The following AFP variants were observed in gnomAD, a reference collection of about 807,000 sequenced individuals.
The protein encoded by AFP is alpha-fetoprotein.
A neutral mutation model predicts 78.9 loss-of-function variants in AFP; 64 were observed. That is an observed-to-expected ratio of 0.81 (90% confidence interval 0.66 to 1.00). The LOEUF (loss-of-function observed/expected upper bound fraction) is 1.00. Among genes scored for constraint, AFP ranks in the 50% least tolerant of loss-of-function variants. The pLI, the probability that AFP is intolerant of heterozygous loss-of-function variation, is 0.00. For synonymous variants in AFP, 254 were observed against 243.8 expected (o/e 1.04, Z -0.39); for missense variants, 689 against 703.8 (o/e 0.98, Z 0.24).
intron 7 of AFP, among the ~76,000 whole-genome samples, chr4:73,446,612 CGG>C: frequency 2.1e-5 from 3 of 144,478 alleles, no homozygotes; most frequent in Non-Finnish European, 3.0e-5. Flanking sequence ...ATCATTCTTA[CGG>C]AATTTCTCGT....
In AFP at chr4:73,450,046, T is replaced by C; in HGVS notation, c.1202T>C (p.Leu401Ser). Residue 401 changes from leucine (L) to serine (S), a missense_variant, in exon 10 of 15, where the codon TTA becomes TCA. Leu to Ser is a moderately radical substitution (Grantham distance 145, BLOSUM62 -2). Transcript: ENST00000395792. ...LECQDKGEEELQKYIQESQAL... is the reference protein window; with the variant it reads ...LECQDKGEEESQKYIQESQAL... ...ATTCTTCATTTTCAGGAAGAAGAATTACAGAAATACATCCAGGAGAGCCAA... is the reference window on the plus strand; with the variant it reads ...ATTCTTCATTTTCAGGAAGAAGAATCACAGAAATACATCCAGGAGAGCCAA... The C allele has an allele frequency of 6.2e-7, 1 of 1,612,668 alleles. No individual in the cohort carries two copies. Among genetic ancestry groups the C allele is most frequent in the Non-Finnish European group, 8.5e-7 (1 of 1,178,894 alleles).
In AFP at chr4:73,436,230, C is replaced by T. The variant is rs1443570272; in HGVS notation, c.-33C>T. The T allele has an allele frequency of 2.8e-6, 4 of 1,408,896 alleles. No individual in the cohort carries two copies. The highest frequency in any genetic ancestry group is 1.7e-5 in the Admixed American group (1 of 58,956). 87.3% of individuals were successfully genotyped at this position (1,408,896 alleles called of 1,614,324 possible). A position where few individuals can be genotyped will look rare whatever the true frequency, so the allele number is the denominator to read the frequency against. ...CAGCATGATTTTCCATATTGTGCTT[C>T]CACCACTGCCAATAACAAAATAACT... is the stretch of plus-strand genomic sequence containing the variant. On this transcript the variant is annotated 5_prime_UTR_variant, in exon 1 of 15. Coordinates refer to ENST00000395792, the MANE Select transcript of AFP (RefSeq NM_001134.3).
rs538249368 is a variant in AFP, at chr4:73,438,034, T to G, written c.138-140T>G. ...TCTCAGATGACCTGGAAGCTAATTT[T>G]ACATAATTTTACAAATCAAATGTCT... On this transcript the variant is annotated intron_variant, in intron 2 of 14. Coordinates refer to ENST00000395792, the MANE Select transcript of AFP (RefSeq NM_001134.3). 3.4e-4 allele frequency: 428 copies of G among 1,242,292 alleles called. 2 individuals carry two copies. In the Middle Eastern group the frequency reaches 0.013, roughly 39 times the overall value. The allele number at this position is 1,242,292 out of a possible 1,614,324, so 77.0% of individuals were successfully genotyped here.
chr4:73,455,462 G>C (rs531956356), intron 14 of AFP, 169 bp from the exon 15 acceptor site: 1 of 655,432 alleles, frequency 1.5e-6, no homozygotes, highest in South Asian at 1.8e-5. Context: ...TGTTAAATTA[G>C]TGGCTCAACT....
intron 3 of AFP, 81 bp downstream of exon 3, chr4:73,438,387 GA>G: frequency 6.8e-7 from 1 of 1,473,536 alleles, no homozygotes; most frequent in Non-Finnish European, 9.2e-7. Context: ...AAATAGCAGT[GA>G]AAAATGCATT....
At chr4:73,442,087 TC>T (rs969991765) in intron 4 of AFP, among the ~76,000 whole-genome samples, 10 of 152,132 alleles carry the variant, frequency 6.6e-5, no homozygotes, top group African/African-American at 2.4e-4. Flanking sequence ...CAGATATTTT[TC>T]CCCCCAGGAT....
chr4:73,455,621 C>T lies in AFP; in HGVS notation c.*11-10C>T, dbSNP rs1393397042. The T allele has an allele frequency of 1.2e-5, 8 of 688,026 alleles. No homozygotes were observed. Among genetic ancestry groups the T allele is most frequent in the East Asian group, 5.4e-5 (2 of 37,024 alleles). 42.6% of individuals were successfully genotyped at this position (688,026 alleles called of 1,614,324 possible). The stretch of plus-strand genomic sequence containing the variant: ...AATTAGTATTTAATATATTTTTGCT[C>T]ATATTGCAGGGGAAGAGAAGACAAA... On this transcript the variant is annotated splice_polypyrimidine_tract_variant and intron_variant, in intron 14 of 14. Coordinates refer to ENST00000395792, the MANE Select transcript of AFP (RefSeq NM_001134.3).
intron 7 of AFP, among the ~76,000 whole-genome samples, chr4:73,446,136 G>C (rs529853047): frequency 6.6e-6 from 1 of 152,284 alleles, no homozygotes; most frequent in South Asian, 2.1e-4. Flanking sequence ...AGGCCTGAGA[G>C]TGACAGTCCC....
Position 73,447,491 on chromosome 4 carries a change from A to G in AFP, c.873A>G (p.Gln291=), listed in dbSNP as rs1204388108. 5 of 1,611,642 alleles carry G rather than the reference A, an allele frequency of 3.1e-6. No individual in the cohort carries two copies. The highest frequency in any genetic ancestry group is 1.1e-5 in the South Asian group (1 of 90,796). Residue 291 remains glutamine (Q), a synonymous_variant, in exon 8 of 15, where the codon CAA becomes CAG. Transcript: ENST00000395792. The stretch of plus-strand genomic sequence containing the variant: ...AAATCATGTCCTACATATGTTCTCA[A>G]CAAGACACTCTGTCAAACAAAATAA... ...GEKIMSYICS[Q]QDTLSNKITE...
rs759647503 is a variant in AFP at position 73,450,700 on chromosome 4, G to T, written c.1375G>T (p.Ala459Ser). ...CACCAGAAAAATGGCAGCCACAGCA[G>T]CCACTTGTTGCCAACTCAGTGAGGA... is the stretch of plus-strand genomic sequence containing the variant. ...AITRKMAATAATCCQLSEDKL... is the reference protein window; with the variant it reads ...AITRKMAATASTCCQLSEDKL... The change falls in exon 11 of 15, where the codon GCC becomes TCC. Residue 459 changes from alanine (A) to serine (S), a missense_variant. By Grantham distance (99) the Ala-to-Ser change is moderately conservative. Coordinates refer to ENST00000395792, the MANE Select transcript of AFP (RefSeq NM_001134.3). The T allele has an allele frequency of 6.2e-7, 1 of 1,614,200 alleles. No individual in the cohort carries two copies. The highest frequency in any genetic ancestry group is 8.5e-7 in the Non-Finnish European group (1 of 1,180,018).
At chr4:73,450,532 G>T in intron 10 of AFP, 83 bp from the exon 11 acceptor site, 3 of 1,594,270 alleles carry the variant, frequency 1.9e-6, no homozygotes, top group Non-Finnish European at 2.6e-6. Flanking sequence ...TGGCATGAGA[G>T]TAGAGAGTCT....
intron 9 of AFP, 137 bp from the exon 10 acceptor site, chr4:73,449,899 A>G: frequency 1.5e-6 from 1 of 646,916 alleles, no homozygotes; most frequent in Non-Finnish European, 2.6e-6. Flanking sequence ...TAATTATCAA[A>G]ATTTACACTT....
At chr4:73,447,190 G>C (rs4444799) in intron 7 of AFP, among the ~76,000 whole-genome samples, 149,211 of 152,134 alleles carry the variant, frequency 0.98, 73,244 homozygotes, top group East Asian at 1. Flanking sequence ...TTTAATATTG[G>C]CTGAAGATAT....
chr4:73,437,966 T>C (rs1319531634), intron 2 of AFP, among the ~76,000 whole-genome samples: 1 of 152,098 alleles, frequency 6.6e-6, no homozygotes, highest in African/African-American at 2.4e-5. Context: ...CATCTATATG[T>C]ATATTTATGG....
chr4:73,449,947 A>G (rs1719937124), intron 9 of AFP, 89 bp from the exon 10 acceptor site: 1 of 806,780 alleles, frequency 1.2e-6, no homozygotes, highest in African/African-American at 1.7e-5. Flanking sequence ...GATTGGTTTT[A>G]TAATAGTATA....
In AFP at chr4:73,437,168, T is replaced by A; in HGVS notation, c.94T>A (p.Leu32Met). The A allele has an allele frequency of 6.2e-7, 1 of 1,611,246 alleles. No individual in the cohort carries two copies. The highest frequency in any genetic ancestry group is 8.5e-7 in the Non-Finnish European group (1 of 1,177,790). Reference protein sequence around the residue: ...HRNEYGIASILDSYQCTAEIS... With the variant: ...HRNEYGIASIMDSYQCTAEIS... ...TTTATTTTGCTTTCCAGCTTCCATA[T>A]TGGATTCTTACCAATGTACTGCAGA... Residue 32 changes from leucine (L) to methionine (M), a missense_variant, in exon 2 of 15, where the codon TTG becomes ATG. Coordinates refer to ENST00000395792, the MANE Select transcript of AFP (RefSeq NM_001134.3).
chr4:73,441,724 G>T (rs1485069041), intron 4 of AFP, among the ~76,000 whole-genome samples: 1 of 152,062 alleles, frequency 6.6e-6, no homozygotes, highest in Non-Finnish European at 1.5e-5. Context: ...AGGTTGGAAG[G>T]CTAAAACAAC....
Position 73,440,675 on chromosome 4 carries a change from G to A in AFP, c.344G>A (p.Ser115Asn). 2 of 1,614,126 alleles carry A rather than the reference G, an allele frequency of 1.2e-6. No homozygotes were observed. The highest frequency in any genetic ancestry group is 1.7e-5 in the Admixed American group (1 of 60,012). ...AAGTACGGACATTCAGACTGCTGCA[G>A]CCAAAGTGAAGAGGGAAGACATAAC... ...LEKYGHSDCC[S>N]QSEEGRHNCF... is the part of the protein sequence containing the mutation. The change falls in exon 4 of 15, where the codon AGC becomes AAC. Residue 115 changes from serine (S) to asparagine (N), a missense_variant. Coordinates refer to ENST00000395792, the MANE Select transcript of AFP (RefSeq NM_001134.3).
Position 73,453,867 on chromosome 4 carries a change from C to A in AFP, c.1755C>A (p.Gly585=), listed in dbSNP as rs753897333. 9.3e-6 allele frequency: 15 copies of A among 1,613,696 alleles called. No individual in the cohort carries two copies. The South Asian group carries it at 1.5e-4, about 17-fold the overall frequency. The change falls in exon 13 of 15, where the codon GGC becomes GGA. Residue 585 remains glycine, a synonymous_variant. Coordinates refer to ENST00000395792, the MANE Select transcript of AFP (RefSeq NM_001134.3). ...GCCTGTTGGAGAAATGCTGCCAAGG[C>A]CAGGAACAGGAAGTCTGCTTTGCTG... is the stretch of plus-strand genomic sequence containing the variant. ...FSGLLEKCCQ[G]QEQEVCFAEE... is the part of the protein sequence containing the mutation.
Sources: allele counts gnomAD v4.1 joint callset (sites outside exome capture counted in the v4.1 genomes callset), GRCh38; gene constraint gnomAD v4.1.1; transcripts MANE v1.5; gene names NCBI Gene and HGNC (gene_info 2026-07-23, HGNC 2026-07-21).